LHFPL3: variants seen among roughly 807,000 people sequenced by gnomAD.
The protein encoded by LHFPL3 is LHFPL tetraspan subfamily member 3, also known as LHFPL tetraspan subfamily member 3 protein.
In LHFPL3, 5 loss-of-function variants were observed where a neutral mutation model predicts 19.3. The observed-to-expected ratio is 0.26, with a 90% CI of 0.14 to 0.54. LHFPL3 has a LOEUF of 0.54. Ranked by LOEUF, LHFPL3 falls within the 20% of genes least tolerant of loss-of-function variation. The probability of loss-of-function intolerance (pLI) is 0.94; values close to 1 mark genes in which losing one functional copy is unlikely to be tolerated. For synonymous variants in LHFPL3, 133 were observed against 126.2 expected (o/e 1.05, Z -0.36); for missense variants, 249 against 307.4 (o/e 0.81, Z 1.42).
intron 1 of LHFPL3, among the ~76,000 whole-genome samples, chr7:104,647,433 G>A (rs915636261): frequency 1.3e-5 from 2 of 152,118 alleles, no homozygotes; most frequent in African/African-American, 4.8e-5. Flanking sequence ...GATGGGATTG[G>A]GAATTTGTGT....
At chr7:104,648,354 A>T (rs1044591424) in intron 1 of LHFPL3, among the ~76,000 whole-genome samples, 1 of 152,192 alleles carries the variant, frequency 6.6e-6, no homozygotes, top group Non-Finnish European at 1.5e-5. Context: ...TATTTCCTCC[A>T]TTCTAAGACA....
At chr7:104,570,115 T>A (rs990098150) in intron 1 of LHFPL3, among the ~76,000 whole-genome samples, 1 of 152,248 alleles carries the variant, frequency 6.6e-6, no homozygotes, top group African/African-American at 2.4e-5. Context: ...TTATGAAAGC[T>A]ATACTTTGTA....
chr7:104,817,696 AC>A (rs1790582544), intron 2 of LHFPL3, among the ~76,000 whole-genome samples: 1 of 152,150 alleles, frequency 6.6e-6, no homozygotes, highest in East Asian at 1.9e-4. Context: ...TAGGTACAGG[AC>A]CACAGAAGCC....
chr7:104,550,755 C>T (rs551702750), intron 1 of LHFPL3, among the ~76,000 whole-genome samples: 1 of 152,184 alleles, frequency 6.6e-6, no homozygotes, highest in Non-Finnish European at 1.5e-5. Context: ...ATTTGCATTT[C>T]TTAGAGAAAA....
At chr7:104,361,029 G>A (rs1299744292) in intron 1 of LHFPL3, among the ~76,000 whole-genome samples, 1 of 152,188 alleles carries the variant, frequency 6.6e-6, no homozygotes, top group Admixed American at 6.5e-5. Context: ...TGACAAGAAA[G>A]TCAAATGTCA....
At chr7:104,788,745 G>T (rs929298439) in intron 2 of LHFPL3, among the ~76,000 whole-genome samples, 1 of 152,162 alleles carries the variant, frequency 6.6e-6, no homozygotes, top group African/African-American at 2.4e-5. Flanking sequence ...TGCGAGCAAG[G>T]ATATATTTTC....
intron 2 of LHFPL3, among the ~76,000 whole-genome samples, chr7:104,867,309 A>G (rs1288957157): frequency 6.6e-6 from 1 of 152,212 alleles, no homozygotes; most frequent in African/African-American, 2.4e-5. Flanking sequence ...TGAAAAGATC[A>G]ACAAAATTGA....
chr7:104,847,537 G>A (rs1047990561), intron 2 of LHFPL3, among the ~76,000 whole-genome samples: 7 of 152,164 alleles, frequency 4.6e-5, no homozygotes, highest in Admixed American at 3.3e-4. Flanking sequence ...TGGAGACGGA[G>A]TCTTGCTCTG....
At chr7:104,778,493 T>C (rs1794668221) in intron 2 of LHFPL3, among the ~76,000 whole-genome samples, 1 of 152,238 alleles carries the variant, frequency 6.6e-6, no homozygotes, top group Admixed American at 6.5e-5. Flanking sequence ...GGAATGATTA[T>C]CTTGGTTCCC....
chr7:104,540,368 T>G (rs1794462612), intron 1 of LHFPL3, among the ~76,000 whole-genome samples: 1 of 152,134 alleles, frequency 6.6e-6, no homozygotes, highest in African/African-American at 2.4e-5. Flanking sequence ...ACAGGGACAT[T>G]TGGCAATGAG....
intron 1 of LHFPL3, among the ~76,000 whole-genome samples, 166 bp from the exon 2 acceptor site, chr7:104,736,507 CCA>C (rs57904267): frequency 7.6e-4 from 114 of 150,594 alleles, no homozygotes; most frequent in East Asian, 4.3e-3. Context: ...GTTTGCATGC[CCA>C]CACACACACA....
chr7:104,773,509 C>G (rs1794591959), intron 2 of LHFPL3, among the ~76,000 whole-genome samples: 1 of 152,208 alleles, frequency 6.6e-6, no homozygotes, highest in Admixed American at 6.5e-5. Context: ...CATAGAGATT[C>G]TGAGAACTAT....
At chr7:104,710,462 T>C (rs1793279611) in intron 1 of LHFPL3, among the ~76,000 whole-genome samples, 1 of 152,174 alleles carries the variant, frequency 6.6e-6, no homozygotes. Context: ...CCACTCCCGG[T>C]TGGATATTCT....
chr7:104,854,551 C>T (rs536193605), intron 2 of LHFPL3, among the ~76,000 whole-genome samples: 16 of 152,256 alleles, frequency 1.1e-4, no homozygotes, highest in African/African-American at 3.6e-4. Context: ...AATATGAGAT[C>T]TATTCATTAA....
chr7:104,373,927 A>T (rs1426164276), intron 1 of LHFPL3, among the ~76,000 whole-genome samples: 2 of 152,292 alleles, frequency 1.3e-5, no homozygotes, highest in African/African-American at 2.4e-5. Context: ...AACAAAAACA[A>T]AAAAACATGT....
chr7:104,406,108 G>A (rs1043351458), intron 1 of LHFPL3, among the ~76,000 whole-genome samples: 1 of 152,142 alleles, frequency 6.6e-6, no homozygotes, highest in Non-Finnish European at 1.5e-5. Context: ...AATCATAGTC[G>A]CTTCCTCTAA....
intron 1 of LHFPL3, among the ~76,000 whole-genome samples, chr7:104,652,372 A>G (rs1792048590): frequency 6.6e-6 from 1 of 152,210 alleles, no homozygotes; most frequent in Non-Finnish European, 1.5e-5. Flanking sequence ...TGATGGCAGC[A>G]CCATGGACAC....
At chr7:104,804,976 A>C (rs1379281566) in intron 2 of LHFPL3, among the ~76,000 whole-genome samples, 1 of 152,118 alleles carries the variant, frequency 6.6e-6, no homozygotes, top group Non-Finnish European at 1.5e-5. Flanking sequence ...TTCTGCTCCC[A>C]CACCCCTTTT....
At chr7:104,412,262 A>G (rs768818628) in intron 1 of LHFPL3, among the ~76,000 whole-genome samples, 1 of 152,046 alleles carries the variant, frequency 6.6e-6, no homozygotes, top group Non-Finnish European at 1.5e-5. Context: ...CATTTTTCAG[A>G]TGAGGAGGCT....
Sources: gnomAD v4.1 joint callset for allele counts (sites outside exome capture counted in the v4.1 genomes callset) on GRCh38, gnomAD v4.1.1 for gene constraint, MANE v1.5 for transcripts, NCBI Gene and HGNC (gene_info 2026-07-23, HGNC 2026-07-21) for gene names.